Variants in ZFHX3 observed in about 807,000 individuals in gnomAD.
The protein encoded by ZFHX3 is zinc finger homeobox protein 3.
Under a neutral mutation model 279.1 loss-of-function variants are expected in ZFHX3, and 42 were observed. The ratio of observed to expected loss-of-function variants is 0.15; its 90% CI spans 0.12 to 0.19. The LOEUF (loss-of-function observed/expected upper bound fraction) is 0.19, where lower values mean the gene tolerates loss of function less well. Among genes scored for constraint, ZFHX3 ranks in the 10% least tolerant of loss-of-function variants. ZFHX3 has a pLI of 1.00. For synonymous variants in ZFHX3, 2,293 were observed against 1,957.8 expected (o/e 1.17, Z -4.52); for missense variants, 4,981 against 4,754.0 (o/e 1.05, Z -1.40).
chr16:72,903,456 G>T (rs1181180317), intron 3 of ZFHX3, among the ~76,000 whole-genome samples: 3 of 152,210 alleles, frequency 2.0e-5, no homozygotes, highest in Non-Finnish European at 2.9e-5. Context: ...GACAAGGCAG[G>T]CTTCTAGTAG....
intron 2 of ZFHX3, among the ~76,000 whole-genome samples, chr16:73,515,665 C>A (rs148529334): frequency 6.6e-6 from 1 of 151,938 alleles, no homozygotes; most frequent in Non-Finnish European, 1.5e-5. Context: ...TTTAGAAGTA[C>A]GTAATACTGA....
chr16:73,278,511 C>T (rs980111433), intron 4 of ZFHX3, among the ~76,000 whole-genome samples: 2 of 152,180 alleles, frequency 1.3e-5, no homozygotes, highest in African/African-American at 4.8e-5. Flanking sequence ...AAAGAGTGAG[C>T]AGTAGCAAGG....
At chr16:72,843,464 T>C (rs2037396958) in intron 4 of ZFHX3, among the ~76,000 whole-genome samples, 1 of 130,680 alleles carries the variant, frequency 7.7e-6, no homozygotes, top group South Asian at 2.4e-4. Flanking sequence ...TGAGCCGAGA[T>C]CCCGCCACTG....
chr16:73,201,169 A>T (rs1387445295), intron 5 of ZFHX3, among the ~76,000 whole-genome samples: 1 of 152,180 alleles, frequency 6.6e-6, no homozygotes, highest in Non-Finnish European at 1.5e-5. Flanking sequence ...CCAAAGCAAG[A>T]TCTTTTGCTG....
chr16:73,412,741 G>T (rs1280946385), intron 3 of ZFHX3, among the ~76,000 whole-genome samples: 1 of 152,184 alleles, frequency 6.6e-6, no homozygotes, highest in Non-Finnish European at 1.5e-5. Context: ...CTGTTTCTGG[G>T]GGAGTATTTC....
At chr16:72,867,733 AAAAG>A (rs1174024568) in intron 4 of ZFHX3, among the ~76,000 whole-genome samples, 152 of 125,250 alleles carry the variant, frequency 1.2e-3, no homozygotes, top group Non-Finnish European at 1.5e-3. Flanking sequence ...GAAAAAAAAA[AAAAG>A]AAGAAGAAGA....
chr16:73,297,599 T>C (rs940527228), intron 4 of ZFHX3, among the ~76,000 whole-genome samples: 3 of 152,144 alleles, frequency 2.0e-5, no homozygotes, highest in African/African-American at 7.2e-5. Context: ...TGCTTTAGCA[T>C]GCAGGAGTCA....
At chr16:73,236,444 G>T (rs2012951654) in intron 5 of ZFHX3, among the ~76,000 whole-genome samples, 1 of 152,144 alleles carries the variant, frequency 6.6e-6, no homozygotes, top group Admixed American at 6.5e-5. Context: ...CAAAGAATTA[G>T]CCAGGCCTGG....
chr16:73,848,706 A>G (rs972238332), intron 1 of ZFHX3, among the ~76,000 whole-genome samples: 7 of 152,220 alleles, frequency 4.6e-5, no homozygotes, highest in Admixed American at 3.9e-4. Flanking sequence ...TCATTCTGTG[A>G]TAACATCCTG....
At chr16:73,754,195 G>A (rs1307106581) in intron 1 of ZFHX3, among the ~76,000 whole-genome samples, 2 of 152,016 alleles carry the variant, frequency 1.3e-5, no homozygotes, top group African/African-American at 2.4e-5. Context: ...CACATCAACC[G>A]AGCTACAAGT....
intron 2 of ZFHX3, among the ~76,000 whole-genome samples, chr16:73,580,703 T>C (rs2051852518): frequency 6.6e-6 from 1 of 151,736 alleles, no homozygotes; most frequent in Admixed American, 6.6e-5. Flanking sequence ...GGGTTTGCTT[T>C]CTCTCTCTGT....
chr16:73,245,699 C>A (rs2013260476), intron 5 of ZFHX3, among the ~76,000 whole-genome samples: 1 of 152,150 alleles, frequency 6.6e-6, no homozygotes. Flanking sequence ...CCTACCTGGG[C>A]CCTTCCAGAA....
chr16:73,579,946 T>C lies in ZFHX3; in HGVS notation c.-1547+100234A>G, dbSNP rs988575058. 1.2e-4 allele frequency among the ~76,000 whole-genome samples: 17 copies of C among 147,240 alleles called. 1 individual carries two copies. Among genetic ancestry groups the C allele is most frequent in the African/African-American group, 3.5e-4 (14 of 40,194 alleles). On this transcript the variant is annotated intron_variant, in intron 2 of 17. Transcript: ENST00000641206. ...ATGTATAATGTGATATATTATAATG[T>C]AGAATATAATGTATTATAATATATA...
At chr16:73,271,897 A>C (rs780276183) in intron 4 of ZFHX3, among the ~76,000 whole-genome samples, 1 of 152,176 alleles carries the variant, frequency 6.6e-6, no homozygotes, top group Non-Finnish European at 1.5e-5. Context: ...GGGTTCTTAG[A>C]GGGGAGAGAC....
At chr16:73,729,084 T>A (rs1410860440) in intron 1 of ZFHX3, among the ~76,000 whole-genome samples, 5 of 152,146 alleles carry the variant, frequency 3.3e-5, no homozygotes, top group Admixed American at 1.3e-4. Context: ...AACATCTTTC[T>A]TGTCTCTCAA....
At chr16:73,688,828 G>A (rs1189009951) in intron 1 of ZFHX3, among the ~76,000 whole-genome samples, 3 of 152,164 alleles carry the variant, frequency 2.0e-5, no homozygotes, top group Non-Finnish European at 2.9e-5. Flanking sequence ...ATGACAGTGA[G>A]TAAGTCTCAT....
intron 1 of ZFHX3, among the ~76,000 whole-genome samples, chr16:73,004,321 C>CTTTTTT (rs34987461): frequency 1.5e-3 from 78 of 52,102 alleles, no homozygotes; most frequent in Middle Eastern, 0.028. Flanking sequence ...ATGCATCAAT[C>CTTTTTT]TTTTTTTTTT....
At chr16:73,632,720 G>A (rs2052488327) in intron 2 of ZFHX3, among the ~76,000 whole-genome samples, 1 of 151,166 alleles carries the variant, frequency 6.6e-6, no homozygotes. Flanking sequence ...TCATGATTCT[G>A]TGGACTCCAG....
intron 1 of ZFHX3, among the ~76,000 whole-genome samples, chr16:73,790,374 T>G (rs1959787952): frequency 6.6e-6 from 1 of 152,200 alleles, no homozygotes. Flanking sequence ...ATCTGCAATT[T>G]ACACATTGCT....
Sources: gnomAD v4.1 joint callset for allele counts (sites outside exome capture counted in the v4.1 genomes callset) on GRCh38, gnomAD v4.1.1 for gene constraint, MANE v1.5 for transcripts, NCBI Gene and HGNC (gene_info 2026-07-23, HGNC 2026-07-21) for gene names.